Variants in SLC20A2 observed in about 807,000 individuals in gnomAD.
SLC20A2 encodes sodium-dependent phosphate transporter 2.
A neutral mutation model predicts 61.0 loss-of-function variants in SLC20A2; 30 were observed. That is an observed-to-expected ratio of 0.49 (90% confidence interval 0.37 to 0.67). The LOEUF (loss-of-function observed/expected upper bound fraction) is 0.67, where lower values mean the gene tolerates loss of function less well. Among genes scored for constraint, SLC20A2 ranks in the 30% least tolerant of loss-of-function variants. The pLI, the probability that SLC20A2 is intolerant of heterozygous loss-of-function variation, is 0.00. For synonymous variants in SLC20A2, 351 were observed against 353.3 expected (o/e 0.99, Z 0.07); for missense variants, 626 against 866.4 (o/e 0.72, Z 3.48).
At chr8:42,487,804 T>C (rs1383253943) in intron 1 of SLC20A2, among the ~76,000 whole-genome samples, 1 of 152,242 alleles carries the variant, frequency 6.6e-6, no homozygotes, top group Non-Finnish European at 1.5e-5. Context: ...GCGTTAGGTA[T>C]ATTCACAGTG....
chr8:42,492,726 T>C (rs1478099909), intron 1 of SLC20A2, among the ~76,000 whole-genome samples: 1 of 151,990 alleles, frequency 6.6e-6, no homozygotes, highest in Non-Finnish European at 1.5e-5. Flanking sequence ...TTTCGCTCTG[T>C]CACCCAGGCT....
At chr8:42,528,277 C>A (rs1019246740) in intron 1 of SLC20A2, among the ~76,000 whole-genome samples, 1 of 151,972 alleles carries the variant, frequency 6.6e-6, no homozygotes, top group Non-Finnish European at 1.5e-5. Context: ...CTGGCTAACA[C>A]GGTGAAACCC....
At chr8:42,485,814 C>T (rs376755191) in intron 1 of SLC20A2, among the ~76,000 whole-genome samples, 1 of 151,382 alleles carries the variant, frequency 6.6e-6, no homozygotes, top group Non-Finnish European at 1.5e-5. Context: ...GGCATGGTGG[C>T]GCATGCCTGT....
intron 1 of SLC20A2, among the ~76,000 whole-genome samples, chr8:42,524,513 C>T (rs1461285564): frequency 6.6e-6 from 1 of 152,034 alleles, no homozygotes; most frequent in Non-Finnish European, 1.5e-5. Context: ...GCAGGCTGGG[C>T]GCTGTGGCTC....
rs749496841 is a variant in SLC20A2 at position 42,472,199 on chromosome 8, G to A, written c.192C>T (p.Ala64=). 6 of 1,614,034 alleles carry A rather than the reference G, an allele frequency of 3.7e-6. 1 individual carries two copies. Among genetic ancestry groups the A allele is most frequent in the Non-Finnish European group, 2.5e-6 (3 of 1,180,038 alleles). ...CTTTGCGAATGGTTTCTCCTACTTT[G>A]GCGCCTAGTAACACGGAGCCGGTGG... ...FETTGSVLLG[A]KVGETIRKGI... is the part of the protein sequence containing the mutation. Residue 64 remains alanine (A), a synonymous_variant, in exon 2 of 11, where the codon GCC becomes GCT. Coordinates refer to ENST00000520262, the MANE Select transcript of SLC20A2 (RefSeq NM_001257180.2). The surrounding 1 kb of genome is among the most constrained non-coding windows in gnomAD (Gnocchi z 4.1).
chr8:42,425,430 G>A (rs1320109612), intron 10 of SLC20A2, among the ~76,000 whole-genome samples: 2 of 152,208 alleles, frequency 1.3e-5, no homozygotes, highest in Non-Finnish European at 2.9e-5. Context: ...TATGTGATAT[G>A]AGAGAATAAG....
chr8:42,456,274 C>A (rs1457616932), intron 5 of SLC20A2, among the ~76,000 whole-genome samples: 1 of 152,098 alleles, frequency 6.6e-6, no homozygotes, highest in Admixed American at 6.5e-5. Context: ...AACGAAAAAA[C>A]CCCATCCATA....
intron 1 of SLC20A2, among the ~76,000 whole-genome samples, chr8:42,486,527 G>C (rs1431630502): frequency 1.3e-5 from 2 of 152,186 alleles, no homozygotes; most frequent in African/African-American, 4.8e-5. Context: ...GCTAGCAATG[G>C]ATGGAATCTC....
chr8:42,443,803 T>G (rs1804989366), intron 6 of SLC20A2, among the ~76,000 whole-genome samples: 1 of 152,264 alleles, frequency 6.6e-6, no homozygotes, highest in South Asian at 2.1e-4. Flanking sequence ...ATAGATGAAT[T>G]TTCCATATTC....
intron 2 of SLC20A2, among the ~76,000 whole-genome samples, chr8:42,466,980 A>T (rs964035836): frequency 2.0e-5 from 3 of 151,912 alleles, no homozygotes; most frequent in Non-Finnish European, 2.9e-5. Flanking sequence ...AATTATTAAA[A>T]TTTTTTTGCA....
At chr8:42,438,354 C>G (rs1373171432) in intron 7 of SLC20A2, among the ~76,000 whole-genome samples, 1 of 152,170 alleles carries the variant, frequency 6.6e-6, no homozygotes, top group Non-Finnish European at 1.5e-5. Flanking sequence ...AGCTCTGTCA[C>G]CCAGGCTGGA....
intron 8 of SLC20A2, among the ~76,000 whole-genome samples, chr8:42,434,549 T>C (rs1306283898): frequency 6.6e-6 from 1 of 152,124 alleles, no homozygotes; most frequent in East Asian, 1.9e-4. Flanking sequence ...AATTTGGCTT[T>C]GGTTTTGCTG....
At chr8:42,496,690 C>T (rs1028690333) in intron 1 of SLC20A2, among the ~76,000 whole-genome samples, 2 of 152,238 alleles carry the variant, frequency 1.3e-5, no homozygotes, top group African/African-American at 4.8e-5. Context: ...TCTCCTCTAT[C>T]TCTAGTGAGA....
At chr8:42,519,608 C>T (rs1362939801) in intron 1 of SLC20A2, among the ~76,000 whole-genome samples, 2 of 152,284 alleles carry the variant, frequency 1.3e-5, no homozygotes, top group African/African-American at 4.8e-5. Context: ...TCTTTTCCTT[C>T]TCTTTTTCTA....
chr8:42,464,570 C>T (rs1286910182), intron 3 of SLC20A2, among the ~76,000 whole-genome samples: 2 of 152,148 alleles, frequency 1.3e-5, no homozygotes, highest in Non-Finnish European at 2.9e-5. Context: ...ACATTTCTTA[C>T]CTGCCTGGGA....
intron 1 of SLC20A2, among the ~76,000 whole-genome samples, chr8:42,520,386 G>A (rs1811574966): frequency 6.6e-6 from 1 of 151,742 alleles, no homozygotes; most frequent in East Asian, 1.9e-4. Context: ...AAATAAATAA[G>A]TAAAAATTAA....
At chr8:42,490,241 GC>G (rs1218019478) in intron 1 of SLC20A2, among the ~76,000 whole-genome samples, 1 of 152,086 alleles carries the variant, frequency 6.6e-6, no homozygotes, top group African/African-American at 2.4e-5. Flanking sequence ...ATACTGTCAG[GC>G]TTTTATATCT....
intron 1 of SLC20A2, among the ~76,000 whole-genome samples, chr8:42,485,890 G>A (rs962806056): frequency 6.6e-6 from 1 of 151,032 alleles, no homozygotes; most frequent in Non-Finnish European, 1.5e-5. Context: ...AGGTTGCAGT[G>A]AGCCGAGATT....
chr8:42,521,061 A>T lies in SLC20A2; in HGVS notation c.-265+20760T>A, dbSNP rs903487696. Among the ~76,000 whole-genome samples, 34 of 121,510 alleles carry T rather than the reference A, an allele frequency of 2.8e-4. 10 individuals carry two copies. The highest frequency in any genetic ancestry group is 6.3e-4 in the Non-Finnish European group (32 of 50,516). 79.7% of individuals were successfully genotyped at this position (121,510 alleles called of 152,430 possible). On this transcript the variant is annotated intron_variant, in intron 1 of 10. Coordinates refer to the SLC20A2 transcript ENST00000342228. ...TTAGCATGTATATTCAAAAAAGCCTAATGTTCCATTTAAAAAAAATTTGAT... is the reference window on the plus strand; with the variant it reads ...TTAGCATGTATATTCAAAAAAGCCTTATGTTCCATTTAAAAAAAATTTGAT...
Sources: gnomAD v4.1 joint callset for allele counts (sites outside exome capture counted in the v4.1 genomes callset) on GRCh38, gnomAD v4.1.1 for gene constraint, Gnocchi (gnomAD v3.1) non-coding constraint, MANE v1.5 for transcripts, NCBI Gene and HGNC (gene_info 2026-07-23, HGNC 2026-07-21) for gene names.